Variants in EXOC4 observed in about 807,000 individuals in gnomAD.
The protein encoded by EXOC4 is exocyst complex component 4, also known as SEC8-like 1.
A neutral mutation model predicts 107.2 loss-of-function variants in EXOC4; 71 were observed. That is an observed-to-expected ratio of 0.66 (90% confidence interval 0.55 to 0.81). EXOC4 has a LOEUF of 0.81. Among genes scored for constraint, EXOC4 ranks in the 30% least tolerant of loss-of-function variants. The probability of loss-of-function intolerance (pLI) is 0.00; values close to 1 mark genes in which losing one functional copy is unlikely to be tolerated. For synonymous variants in EXOC4, 456 were observed against 441.2 expected, an observed-to-expected ratio of 1.03 and a Z score of -0.42; for missense variants, 1,108 against 1,189.6, an observed-to-expected ratio of 0.93 and a Z score of 1.01.
At chr7:133,613,337 A>T (rs1585032562) in intron 9 of EXOC4, among the ~76,000 whole-genome samples, 2 of 152,300 alleles carry the variant, frequency 1.3e-5, no homozygotes, top group Non-Finnish European at 2.9e-5. Context: ...GCAATTTCGT[A>T]GTCACCTCCT....
intron 3 of EXOC4, among the ~76,000 whole-genome samples, chr7:133,293,328 A>G (rs918895052): frequency 1.3e-5 from 2 of 152,194 alleles, no homozygotes; most frequent in African/African-American, 4.8e-5. Flanking sequence ...AAAAACAATC[A>G]CATTTTCTTT....
At chr7:133,320,997 G>A (rs974022767) in intron 5 of EXOC4, among the ~76,000 whole-genome samples, 5 of 152,132 alleles carry the variant, frequency 3.3e-5, no homozygotes, top group African/African-American at 4.8e-5. Flanking sequence ...AGTAATAGCC[G>A]TTTTCAGCTG....
chr7:134,039,498 G>A (rs1795465396), intron 17 of EXOC4, among the ~76,000 whole-genome samples: 1 of 152,070 alleles, frequency 6.6e-6, no homozygotes, highest in South Asian at 2.1e-4. Flanking sequence ...AAAACATTAG[G>A]GATCAGAACA....
intron 9 of EXOC4, among the ~76,000 whole-genome samples, chr7:133,624,181 G>A (rs541382723): frequency 8.5e-4 from 130 of 152,270 alleles, no homozygotes; most frequent in African/African-American, 2.9e-3. Context: ...AATGTCAGAT[G>A]GGGCATGCCA....
intron 10 of EXOC4, among the ~76,000 whole-genome samples, chr7:133,785,753 A>G (rs2151178378): frequency 6.6e-6 from 1 of 152,076 alleles, no homozygotes; most frequent in Non-Finnish European, 1.5e-5. Flanking sequence ...GCTCACTGCA[A>G]GCTCTGTCTC....
chr7:133,709,661 T>C (rs911141131), intron 10 of EXOC4, among the ~76,000 whole-genome samples: 4 of 150,600 alleles, frequency 2.7e-5, no homozygotes, highest in African/African-American at 9.9e-5. Context: ...TTTTTTTTTT[T>C]TTTTTCAAAG....
intron 10 of EXOC4, among the ~76,000 whole-genome samples, chr7:133,636,262 C>T (rs886899162): frequency 6.6e-6 from 1 of 152,014 alleles, no homozygotes; most frequent in Admixed American, 6.6e-5. Flanking sequence ...TAAGAGACAA[C>T]GCTTAACCAG....
intron 14 of EXOC4, among the ~76,000 whole-genome samples, chr7:133,983,881 T>A (rs576529395): frequency 1.3e-5 from 2 of 152,086 alleles, no homozygotes; most frequent in Non-Finnish European, 2.9e-5. Context: ...TAGCCCCCAC[T>A]CCCCTACCCA....
At chr7:133,671,981 A>C (rs1793956786) in intron 10 of EXOC4, among the ~76,000 whole-genome samples, 1 of 152,268 alleles carries the variant, frequency 6.6e-6, no homozygotes, top group Admixed American at 6.5e-5. Context: ...AAAATTCGTA[A>C]ATGGGAATTA....
intron 11 of EXOC4, among the ~76,000 whole-genome samples, chr7:133,823,848 T>C (rs61006887): frequency 0.043 from 105 of 2,470 alleles, 22 homozygotes; most frequent in Non-Finnish European, 0.049. Flanking sequence ...ATATATTATA[T>C]ATATATATAT....
rs1486747476 is a variant in EXOC4, at chr7:134,064,562, T to G, written c.*34T>G. 1 of 1,393,484 alleles carries G rather than the reference T, an allele frequency of 7.2e-7. No individual in the cohort carries two copies. The highest frequency in any genetic ancestry group is 9.8e-7 in the Non-Finnish European group (1 of 1,018,890). 86.3% of individuals were successfully genotyped at this position (1,393,484 alleles called of 1,614,324 possible). A position where few individuals can be genotyped will look rare whatever the true frequency, so the allele number is the denominator to read the frequency against. On this transcript the variant is annotated 3_prime_UTR_variant, in exon 18 of 18. Coordinates refer to ENST00000253861, the MANE Select transcript of EXOC4 (RefSeq NM_021807.4). ...ACTGCGGTTGGTGACGGGGGTCCCCTCAGTCACACTCACTTTTTTCCTTGG... is the reference window on the plus strand; with the variant it reads ...ACTGCGGTTGGTGACGGGGGTCCCCGCAGTCACACTCACTTTTTTCCTTGG...
At chr7:133,827,245 G>A (rs1443808856) in intron 11 of EXOC4, among the ~76,000 whole-genome samples, 1 of 152,176 alleles carries the variant, frequency 6.6e-6, no homozygotes, top group African/African-American at 2.4e-5. Flanking sequence ...GAAGAAGGCT[G>A]TGAGTTGAGC....
At chr7:133,399,315 T>G (rs1563051090) in intron 7 of EXOC4, among the ~76,000 whole-genome samples, 1 of 152,222 alleles carries the variant, frequency 6.6e-6, no homozygotes, top group Non-Finnish European at 1.5e-5. Context: ...TATTTTGTAT[T>G]TTTTATTCAT....
At chr7:133,263,821 A>G (rs1434904315) in intron 1 of EXOC4, among the ~76,000 whole-genome samples, 2 of 152,072 alleles carry the variant, frequency 1.3e-5, no homozygotes, top group East Asian at 1.9e-4. Flanking sequence ...ATAGATTAGT[A>G]TATTACAGAA....
intron 10 of EXOC4, among the ~76,000 whole-genome samples, chr7:133,640,061 A>C (rs749382760): frequency 3.3e-5 from 5 of 152,174 alleles, no homozygotes; most frequent in Non-Finnish European, 5.9e-5. Context: ...AAATCTGTAC[A>C]CATATTTTTA....
chr7:133,697,632 G>A (rs1227684488), intron 10 of EXOC4, among the ~76,000 whole-genome samples: 2 of 152,212 alleles, frequency 1.3e-5, no homozygotes, highest in African/African-American at 2.4e-5. Flanking sequence ...GGACCACTGC[G>A]ATGGGGCCTC....
At chr7:133,649,489 C>T (rs1327862918) in intron 10 of EXOC4, among the ~76,000 whole-genome samples, 2 of 103,678 alleles carry the variant, frequency 1.9e-5, no homozygotes, top group African/African-American at 3.4e-5. Flanking sequence ...TTTTTTTAAC[C>T]AGTAAAGATT....
chr7:133,762,128 G>T (rs542837496), intron 10 of EXOC4, among the ~76,000 whole-genome samples: 27 of 152,252 alleles, frequency 1.8e-4, no homozygotes, highest in Admixed American at 1.1e-3. Flanking sequence ...TGAGACCAGA[G>T]ATATGTATTT....
At chr7:133,460,605 G>C (rs765471847) in intron 7 of EXOC4, among the ~76,000 whole-genome samples, 1 of 151,996 alleles carries the variant, frequency 6.6e-6, no homozygotes, top group Non-Finnish European at 1.5e-5. Context: ...CAACAAAACT[G>C]ATAAAATAGT....
Sources: allele counts gnomAD v4.1 joint callset (sites outside exome capture counted in the v4.1 genomes callset), GRCh38; gene constraint gnomAD v4.1.1; transcripts MANE v1.5; gene names NCBI Gene and HGNC (gene_info 2026-07-23, HGNC 2026-07-21).